SCYL2: variants seen among roughly 807,000 people sequenced by gnomAD.
SCYL2 encodes SCY1-like protein 2.
In SCYL2, 36 loss-of-function variants were observed where a neutral mutation model predicts 100.4. The observed-to-expected ratio is 0.36, with a 90% confidence interval of 0.27 to 0.47. The LOEUF is 0.47. Among genes scored for constraint, SCYL2 ranks in the 20% least tolerant of loss-of-function variants. The pLI is 1.00. For synonymous variants in SCYL2, 330 were observed against 359.2 expected (o/e 0.92, Z 0.92); for missense variants, 902 against 1,083.9 (o/e 0.83, Z 2.36).
At chr12:100,319,230 C>T (rs1663586618) in intron 10 of SCYL2, 1 of 455,668 alleles carries the variant, frequency 2.2e-6, no homozygotes, top group Non-Finnish European at 4.4e-6. Context: ...TTAGATTTGC[C>T]TTCTTAAAGG....
At chr12:100,333,151 GA>G (rs1368750483) in intron 13 of SCYL2, among the ~76,000 whole-genome samples, 1 of 151,892 alleles carries the variant, frequency 6.6e-6, no homozygotes, top group African/African-American at 2.4e-5. Context: ...AAAGTTTTAG[GA>G]ACCCTAATCA....
intron 4 of SCYL2, among the ~76,000 whole-genome samples, chr12:100,305,895 C>T (rs905745066): frequency 4.6e-5 from 7 of 151,766 alleles, no homozygotes; most frequent in South Asian, 2.1e-4. Context: ...CAAATAAACT[C>T]GAAAATCAAG....
intron 10 of SCYL2, among the ~76,000 whole-genome samples, 184 bp downstream of exon 10, chr12:100,318,109 A>G (rs1489776330): frequency 6.6e-6 from 1 of 152,180 alleles, no homozygotes; most frequent in Non-Finnish European, 1.5e-5. Flanking sequence ...TAATTTAAAG[A>G]ATCAGTGTAT....
At position 100,341,676 on chromosome 12, in the gene SCYL2, AAGAGG is replaced by A. The variant is rs1340865801; in HGVS notation, c.*2507_*2511del. 4 of 152,222 alleles carry A rather than the reference AAGAGG, an allele frequency of 2.6e-5. No individual in the cohort carries two copies. The highest frequency in any genetic ancestry group is 9.6e-5 in the African/African-American group (4 of 41,458). The allele number at this position is 152,222 out of a possible 1,614,324, so 9.4% of individuals were successfully genotyped here. A position where few individuals can be genotyped will look rare whatever the true frequency, so the allele number is the denominator to read the frequency against. On this transcript the variant is annotated 3_prime_UTR_variant, in exon 18 of 18. Coordinates refer to ENST00000360820, the MANE Select transcript of SCYL2 (RefSeq NM_017988.6). ...GGTATATGCGAACATACCTGATATC[AAGAGG>A]AGTATGCACCAAATAAATTTTAGCT...
intron 1 of SCYL2, among the ~76,000 whole-genome samples, chr12:100,273,807 G>T (rs2135795132): frequency 6.6e-6 from 1 of 152,244 alleles, no homozygotes; most frequent in Non-Finnish European, 1.5e-5. Flanking sequence ...CAAGTTAATT[G>T]CTGTAACTCT....
chr12:100,295,041 G>C (rs573654624), intron 3 of SCYL2, among the ~76,000 whole-genome samples: 1 of 146,344 alleles, frequency 6.8e-6, no homozygotes, highest in East Asian at 2.1e-4. Flanking sequence ...GGGCAGAGGC[G>C]CTCCTCACAT....
intron 8 of SCYL2, 57 bp from the exon 9 acceptor site, chr12:100,315,501 T>C: frequency 7.0e-7 from 1 of 1,425,598 alleles, no homozygotes; most frequent in East Asian, 2.5e-5. Context: ...TGTTAACTAA[T>C]ACTAAAAACC....
intron 2 of SCYL2, among the ~76,000 whole-genome samples, chr12:100,289,772 T>TCA (rs1436555764): frequency 6.6e-6 from 1 of 152,220 alleles, no homozygotes; most frequent in Non-Finnish European, 1.5e-5. Flanking sequence ...GGGCTCTTGA[T>TCA]CACTGTTATA....
chr12:100,327,076 G>T, intron 12 of SCYL2: 1 of 296,640 alleles, frequency 3.4e-6, no homozygotes, highest in Non-Finnish European at 6.5e-6. Context: ...TAATATCTGA[G>T]GTTTATTTGA....
At chr12:100,305,834 A>T in intron 4 of SCYL2, among the ~76,000 whole-genome samples, 1 of 151,926 alleles carries the variant, frequency 6.6e-6, no homozygotes, top group East Asian at 1.9e-4. Context: ...ATCACCACTG[A>T]TCCCACAGAA....
chr12:100,323,394 G>A (rs923481502), intron 10 of SCYL2, 131 bp from the exon 11 acceptor site: 2 of 624,822 alleles, frequency 3.2e-6, no homozygotes, highest in South Asian at 1.9e-5. Flanking sequence ...TTGTTGAAAG[G>A]ACCAAATAAT....
Position 100,315,564 on chromosome 12 carries a change from A to G in SCYL2, c.1102A>G (p.Ile368Val), listed in dbSNP as rs758542120. 28 of 1,591,246 alleles carry G rather than the reference A, an allele frequency of 1.8e-5. No homozygotes were observed. The highest frequency in any genetic ancestry group is 4.7e-5 in the South Asian group (4 of 84,214). The change falls in exon 9 of 18, where the codon ATT becomes GTT. Residue 368 changes from isoleucine to valine, a missense_variant. Ile to Val is a conservative substitution (Grantham distance 29, BLOSUM62 3). Coordinates refer to ENST00000360820, the MANE Select transcript of SCYL2 (RefSeq NM_017988.6). ...KVLPKLPKRV[I>V]VQRILPCLTS... ...AAACATTTTTGCCTTTCAGCGTGTC[A>G]TTGTGCAGAGAATTTTGCCTTGTTT...
chr12:100,324,181 C>G (rs573895590), intron 11 of SCYL2, among the ~76,000 whole-genome samples: 36 of 152,218 alleles, frequency 2.4e-4, no homozygotes, highest in African/African-American at 8.2e-4. Context: ...AAAATTTTAA[C>G]ATTCAGTTAC....
At chr12:100,301,336 G>A (rs1213128611) in intron 4 of SCYL2, among the ~76,000 whole-genome samples, 5 of 151,852 alleles carry the variant, frequency 3.3e-5, no homozygotes, top group Non-Finnish European at 7.4e-5. Context: ...GCCCATTTTT[G>A]ATCAGATTAT....
chr12:100,310,800 A>C (rs2096341290), intron 4 of SCYL2, among the ~76,000 whole-genome samples: 1 of 152,204 alleles, frequency 6.6e-6, no homozygotes, highest in Non-Finnish European at 1.5e-5. Flanking sequence ...ATATGCATAT[A>C]GGAAGGAACT....
intron 10 of SCYL2, among the ~76,000 whole-genome samples, chr12:100,320,331 G>A (rs977320122): frequency 1.3e-5 from 2 of 152,046 alleles, no homozygotes; most frequent in Non-Finnish European, 2.9e-5. Context: ...GATCACCTGA[G>A]GTCAGGAGTT....
At chr12:100,337,219 A>G (rs1345540612) in intron 16 of SCYL2, among the ~76,000 whole-genome samples, 168 bp from the exon 17 acceptor site, 1 of 152,186 alleles carries the variant, frequency 6.6e-6, no homozygotes, top group Non-Finnish European at 1.5e-5. Context: ...ATCTAAAGTT[A>G]AATTATATAG....
At chr12:100,295,556 A>G (rs946706109) in intron 3 of SCYL2, among the ~76,000 whole-genome samples, 4 of 151,998 alleles carry the variant, frequency 2.6e-5, no homozygotes, top group Middle Eastern at 3.2e-3. Context: ...AAAACCAGTC[A>G]GGCGTGGCAG....
chr12:100,326,792 C>A lies in SCYL2; in HGVS notation c.1642+38C>A, dbSNP rs140434831. 6.5e-5 allele frequency: 102 copies of A among 1,575,552 alleles called. No individual in the cohort carries two copies. In the East Asian group the frequency reaches 8.1e-4, roughly 13 times the overall value. The stretch of plus-strand genomic sequence containing the variant: ...TTAATGTCATTTGATGCTATTTTAT[C>A]ATGCAAATAAATTTTCCAATCTATA... On this transcript the variant is annotated intron_variant, in intron 12 of 17. Transcript: ENST00000360820.
Sources: gnomAD v4.1 joint callset for allele counts (sites outside exome capture counted in the v4.1 genomes callset) on GRCh38, gnomAD v4.1.1 for gene constraint, MANE v1.5 for transcripts, NCBI Gene and HGNC (gene_info 2026-07-23, HGNC 2026-07-21) for gene names.